The following BTAF1 variants were observed in gnomAD, a reference collection of about 807,000 sequenced individuals.
BTAF1 encodes the protein TATA-binding protein-associated factor 172.
BTAF1 carries 38 observed loss-of-function variants against 227.1 expected under a neutral mutation model. That is an observed-to-expected ratio of 0.17 (90% CI 0.13 to 0.22). BTAF1 has a LOEUF of 0.22. BTAF1 is among the 10% of genes least tolerant of loss of function. The probability of loss-of-function intolerance (pLI) is 1.00; values close to 1 mark genes in which losing one functional copy is unlikely to be tolerated. For synonymous variants in BTAF1, 742 were observed against 751.9 expected, an observed-to-expected ratio of 0.99 and a Z score of 0.21; for missense variants, 1,598 against 2,204.0, an observed-to-expected ratio of 0.73 and a Z score of 5.51.
Position 91,967,721 on chromosome 10 carries a change from A to G in BTAF1, c.1650+964A>G, listed in dbSNP as rs932355439. Among the ~76,000 whole-genome samples the G allele has an allele frequency of 3.9e-5, 6 of 152,342 alleles. No homozygotes were observed. In the South Asian group the frequency reaches 8.3e-4, roughly 21 times the overall value. ...CTCAGTTGATCAAGCATGGGCTGATATGACAGCTGGCATGGGTTGTTCTTA... is the reference window on the plus strand; with the variant it reads ...CTCAGTTGATCAAGCATGGGCTGATGTGACAGCTGGCATGGGTTGTTCTTA... On this transcript the variant is annotated intron_variant, in intron 14 of 37. Coordinates refer to ENST00000265990, the MANE Select transcript of BTAF1 (RefSeq NM_003972.3).
chr10:91,952,903 A>G (rs1045131695), intron 5 of BTAF1, among the ~76,000 whole-genome samples: 1 of 152,228 alleles, frequency 6.6e-6, no homozygotes, highest in Admixed American at 6.5e-5. Flanking sequence ...AAGAAAATGA[A>G]TGGGCAGGTG....
intron 14 of BTAF1, among the ~76,000 whole-genome samples, chr10:91,968,823 C>T (rs918672199): frequency 6.6e-6 from 1 of 152,022 alleles, no homozygotes; most frequent in Non-Finnish European, 1.5e-5. Flanking sequence ...GTTTATTCGC[C>T]ATCTACCTCT....
At chr10:91,992,491 T>C (rs901019303) in intron 21 of BTAF1, among the ~76,000 whole-genome samples, 182 bp downstream of exon 21, 7 of 152,286 alleles carry the variant, frequency 4.6e-5, no homozygotes, top group Non-Finnish European at 8.8e-5. Flanking sequence ...TCATGTCTCT[T>C]GTAATTTTTA....
chr10:91,937,061 C>T (rs1564656442), intron 2 of BTAF1, among the ~76,000 whole-genome samples: 2 of 148,992 alleles, frequency 1.3e-5, no homozygotes, highest in African/African-American at 4.9e-5. Context: ...GTGGCGCGAT[C>T]TCGGCTTACT....
Position 91,951,384 on chromosome 10 carries a change from A to G in BTAF1, c.401-19A>G. The G allele has an allele frequency of 1.3e-6, 2 of 1,599,620 alleles. No individual in the cohort carries two copies. Among genetic ancestry groups the G allele is most frequent in the Non-Finnish European group, 1.7e-6 (2 of 1,176,162 alleles). ...TTCTTAACTGATTTGGAGAAAACGT[A>G]TTTCTTTTCTGTTGAAAGGTGAAGT... On this transcript the variant is annotated intron_variant, in intron 4 of 37. Transcript: ENST00000265990.
At chr10:91,924,499 A>G (rs952621579) in intron 1 of BTAF1, among the ~76,000 whole-genome samples, 24 of 152,284 alleles carry the variant, frequency 1.6e-4, no homozygotes, top group African/African-American at 5.5e-4. Context: ...ACTATTATCT[A>G]AGAGACCGTC....
chr10:91,969,029 TA>T lies in BTAF1; in HGVS notation c.1650+2283del, dbSNP rs1213385415. Among the ~76,000 whole-genome samples the T allele has an allele frequency of 2.9e-3, 436 of 148,302 alleles. 8 individuals are homozygous for T. Among genetic ancestry groups the T allele is most frequent in the African/African-American group, 0.01 (421 of 40,448 alleles). On this transcript the variant is annotated intron_variant, in intron 14 of 37. Transcript: ENST00000265990. The stretch of plus-strand genomic sequence containing the variant: ...GCACGCACCACCATGTCTGGCTAAT[TA>T]AAAAAAAAAATTTTTTTTTTTTTTT...
At chr10:91,929,195 A>G (rs1166004364) in intron 1 of BTAF1, among the ~76,000 whole-genome samples, 1 of 152,116 alleles carries the variant, frequency 6.6e-6, no homozygotes, top group Non-Finnish European at 1.5e-5. Flanking sequence ...TGTTTTTGCT[A>G]CCTTTGCCTG....
chr10:91,966,601 A>G lies in BTAF1; in HGVS notation c.1530-36A>G, dbSNP rs757178383. On this transcript the variant is annotated intron_variant, in intron 13 of 37. Coordinates refer to ENST00000265990, the MANE Select transcript of BTAF1 (RefSeq NM_003972.3). ...TAATGTATCTACAGAGTTACAACTT[A>G]GAATAAGTAAGATTAATTTGTGTCT... 9 of 1,603,934 alleles carry G rather than the reference A, an allele frequency of 5.6e-6. No individual in the cohort carries two copies. In the Admixed American group the frequency reaches 1.2e-4, roughly 21 times the overall value.
Position 91,996,556 on chromosome 10 carries a change from T to C in BTAF1, c.3497T>C (p.Ile1166Thr). The C allele has an allele frequency of 1.2e-6, 2 of 1,614,128 alleles. No homozygotes were observed. The highest frequency in any genetic ancestry group is 2.2e-5 in the South Asian group (2 of 91,080). Residue 1166 changes from isoleucine (I) to threonine (T), a missense_variant, in exon 24 of 38, where the codon ATT becomes ACT. By Grantham distance (89) the Ile-to-Thr change is moderately conservative. Coordinates refer to ENST00000265990, the MANE Select transcript of BTAF1 (RefSeq NM_003972.3). ...IDDSVKQEGA[I>T]EALACVMEQL... Reference sequence around the variant, plus strand: ...GACAGTGTCAAACAAGAGGGTGCAATTGAAGCACTTGCCTGTATCCTTTTT... The same window carrying C: ...GACAGTGTCAAACAAGAGGGTGCAACTGAAGCACTTGCCTGTATCCTTTTT...
chr10:92,020,882 T>C (rs571809403), intron 34 of BTAF1, among the ~76,000 whole-genome samples: 14 of 152,332 alleles, frequency 9.2e-5, no homozygotes, highest in South Asian at 8.3e-4. Flanking sequence ...ATTTTTTTTT[T>C]CCCAGCAGTT....
In BTAF1 at chr10:91,951,428, A is replaced by G. The variant is rs1215574937; in HGVS notation, c.426A>G (p.Ile142Met). Residue 142 changes from isoleucine (I) to methionine (M), a missense_variant, in exon 5 of 38, where the codon ATA (isoleucine) becomes ATG (methionine). This residue lies in a region of BTAF1 where 298 missense variants were observed against 395.2 expected (regional missense o/e 0.75). Transcript: ENST00000265990. ...KSGEVDPKER[I>M]ARQRKLLQKK... Reference sequence around the variant, plus strand: ...GTGAAGTGGATCCTAAAGAGAGGATAGCACGCCAACGAAAATTATTACAGA... The same window carrying G: ...GTGAAGTGGATCCTAAAGAGAGGATGGCACGCCAACGAAAATTATTACAGA... 2 of 1,612,510 alleles carry G rather than the reference A, an allele frequency of 1.2e-6. No homozygotes were observed. The highest frequency in any genetic ancestry group is 1.3e-5 in the African/African-American group (1 of 74,858).
chr10:91,990,867 G>A (rs992171971), intron 20 of BTAF1, among the ~76,000 whole-genome samples: 2 of 152,092 alleles, frequency 1.3e-5, no homozygotes, highest in African/African-American at 2.4e-5. Context: ...AGCACTTTAG[G>A]AGGTCGAGGT....
intron 28 of BTAF1, 38 bp from the exon 29 acceptor site, chr10:92,011,035 G>T: frequency 6.8e-7 from 1 of 1,480,764 alleles, no homozygotes; most frequent in Non-Finnish European, 9.3e-7. Flanking sequence ...AACTTTTCAG[G>T]GTCTCTGTTT....
intron 19 of BTAF1, among the ~76,000 whole-genome samples, chr10:91,988,605 T>G (rs538110804): frequency 1.1e-4 from 17 of 152,302 alleles, no homozygotes; most frequent in African/African-American, 4.8e-5. Context: ...CTGTTCTGTT[T>G]TGTTTTGTTT....
intron 1 of BTAF1, among the ~76,000 whole-genome samples, chr10:91,926,488 G>T (rs898762660): frequency 2.0e-5 from 3 of 152,076 alleles, no homozygotes; most frequent in Non-Finnish European, 4.4e-5. Context: ...TGTATATTCT[G>T]CCTTTCTAAT....
intron 32 of BTAF1, among the ~76,000 whole-genome samples, chr10:92,014,831 C>A (rs899932546): frequency 1.3e-5 from 2 of 152,194 alleles, no homozygotes; most frequent in African/African-American, 4.8e-5. Flanking sequence ...AGTGTACTTA[C>A]ACACACCTAG....
At chr10:91,969,306 A>G (rs1847132321) in intron 14 of BTAF1, among the ~76,000 whole-genome samples, 1 of 152,088 alleles carries the variant, frequency 6.6e-6, no homozygotes, top group South Asian at 2.1e-4. Context: ...GTATAAATGA[A>G]ATTTTCAAAT....
At chr10:91,959,325 A>T in intron 9 of BTAF1, 171 bp downstream of exon 9, 1 of 1,386,592 alleles carries the variant, frequency 7.2e-7, no homozygotes, top group Non-Finnish European at 9.4e-7. Context: ...TAAGATGAAT[A>T]AGAGGCTAGT....
Sources: gnomAD v4.1 joint callset for allele counts (sites outside exome capture counted in the v4.1 genomes callset) on GRCh38, gnomAD v4.1.1 for gene constraint, gnomAD v4.1.1 regional missense constraint, MANE v1.5 for transcripts, NCBI Gene and HGNC (gene_info 2026-07-23, HGNC 2026-07-21) for gene names.